CDH18: variants seen among roughly 807,000 people sequenced by gnomAD.
CDH18 encodes cadherin 18.
CDH18 carries 31 observed loss-of-function variants against 67.9 expected under a neutral mutation model. The observed-to-expected ratio is 0.46, with a 90% CI of 0.34 to 0.62. The LOEUF (loss-of-function observed/expected upper bound fraction) is 0.62, where lower values mean the gene tolerates loss of function less well. Among genes scored for constraint, CDH18 ranks in the 20% least tolerant of loss-of-function variants. The pLI, the probability that CDH18 is intolerant of heterozygous loss-of-function variation, is 0.01. For missense variants in CDH18, 890 were observed against 975.5 expected (o/e 0.91, Z 1.17); for synonymous variants, 362 against 347.2 (o/e 1.04, Z -0.48).
intron 5 of CDH18, among the ~76,000 whole-genome samples, chr5:19,624,591 C>A (rs148097382): frequency 6.6e-6 from 1 of 151,972 alleles, no homozygotes; most frequent in African/African-American, 2.4e-5. Flanking sequence ...CTTTATACAC[C>A]CTCCTTCATT....
intron 1 of CDH18, among the ~76,000 whole-genome samples, chr5:20,441,510 C>T (rs1749603880): frequency 6.6e-6 from 1 of 151,726 alleles, no homozygotes; most frequent in African/African-American, 2.4e-5. Flanking sequence ...AAAAACATTT[C>T]ATCCCATTTG....
chr5:19,678,365 T>G (rs566647102), intron 5 of CDH18, among the ~76,000 whole-genome samples: 1 of 151,644 alleles, frequency 6.6e-6, no homozygotes, highest in Non-Finnish European at 1.5e-5. Flanking sequence ...ATTAATCAAC[T>G]TACACCTACC....
rs375057498 is a variant in CDH18, at chr5:20,372,731, AAT to A, written c.-579-117228_-579-117227del. Among the ~76,000 whole-genome samples the A allele has an allele frequency of 1.4e-3, 214 of 152,312 alleles. 4 individuals carry two copies. The South Asian group carries it at 0.041, about 29-fold the overall frequency. ...ATTAGTTGATCTCCACCTATTTTAC[AAT>A]ATATGACTGAGAAATTGTACAGGTT... On this transcript the variant is annotated intron_variant, in intron 1 of 14. Transcript: ENST00000507958.
At chr5:19,722,270 T>A (rs1272947938) in intron 4 of CDH18, among the ~76,000 whole-genome samples, 1 of 151,890 alleles carries the variant, frequency 6.6e-6, no homozygotes, top group Non-Finnish European at 1.5e-5. Context: ...GCCAGGTTGG[T>A]CTTGAACTCC....
intron 12 of CDH18, 28 bp downstream of exon 12, chr5:19,483,273 T>G (rs554539742): frequency 8.8e-6 from 14 of 1,585,402 alleles, no homozygotes; most frequent in South Asian, 1.1e-5. Flanking sequence ...ATTGCCATCA[T>G]GCAAACTTAG....
chr5:19,642,029 G>C lies in CDH18; in HGVS notation c.644-29428C>G, dbSNP rs149163015. 7.3e-3 allele frequency among the ~76,000 whole-genome samples: 1,108 copies of C among 151,926 alleles called. 10 individuals carry two copies. Among genetic ancestry groups the C allele is most frequent in the Non-Finnish European group, 0.011 (724 of 67,830 alleles). ...CCAAATCAGTACATCAAAATAATTT[G>C]TGTTGCTATACAAAAACAATGAATT... On this transcript the variant is annotated intron_variant, in intron 5 of 12. Transcript: ENST00000382275.
In CDH18 at chr5:19,533,800, C is replaced by T. The variant is rs546974048; in HGVS notation, c.1390+10069G>A. 6.6e-5 allele frequency among the ~76,000 whole-genome samples: 10 copies of T among 151,804 alleles called. No individual in the cohort carries two copies. In the South Asian group the frequency reaches 8.3e-4, roughly 13 times the overall value. Reference sequence around the variant, plus strand: ...AGCTAGGTTGATATATAGGATGGCACGGGAATATGGAAACCCCTTTCTGAT... The same window carrying T: ...AGCTAGGTTGATATATAGGATGGCATGGGAATATGGAAACCCCTTTCTGAT... On this transcript the variant is annotated intron_variant, in intron 9 of 12. Coordinates refer to ENST00000382275, the MANE Select transcript of CDH18 (RefSeq NM_004934.5).
At chr5:19,878,557 A>T (rs1412691214) in intron 2 of CDH18, among the ~76,000 whole-genome samples, 1 of 152,052 alleles carries the variant, frequency 6.6e-6, no homozygotes, top group South Asian at 2.1e-4. Flanking sequence ...TAAAAGAAAC[A>T]AAGTTCCTAC....
Position 20,519,237 on chromosome 5 carries a change from T to C in CDH18, c.-580+56225A>G, listed in dbSNP as rs572481416. On this transcript the variant is annotated intron_variant, in intron 1 of 14. Transcript: ENST00000507958. ...GAAATAATTAAAAAGGAGTCAACAA[T>C]AGACTGGATTAAGAAAATGTGGCAC... Among the ~76,000 whole-genome samples, 21 of 152,212 alleles carry C rather than the reference T, an allele frequency of 1.4e-4. No homozygotes were observed. In the South Asian group the frequency reaches 4.4e-3, roughly 32 times the overall value.
intron 2 of CDH18, among the ~76,000 whole-genome samples, chr5:20,242,794 G>A (rs1442272570): frequency 6.6e-6 from 1 of 151,134 alleles, no homozygotes; most frequent in Non-Finnish European, 1.5e-5. Context: ...AGCAAAACAT[G>A]ATCCCATAAC....
At chr5:19,475,778 C>T (rs1738356535) in intron 12 of CDH18, among the ~76,000 whole-genome samples, 1 of 151,914 alleles carries the variant, frequency 6.6e-6, no homozygotes, top group African/African-American at 2.4e-5. Context: ...TGCATTGTGT[C>T]TGGCAACCTT....
At chr5:20,384,235 A>C (rs1580874178) in intron 1 of CDH18, among the ~76,000 whole-genome samples, 1 of 152,186 alleles carries the variant, frequency 6.6e-6, no homozygotes, top group Admixed American at 6.6e-5. Context: ...TTTCTACCCA[A>C]GGAACAACTC....
intron 1 of CDH18, among the ~76,000 whole-genome samples, chr5:20,424,684 T>C (rs2150164752): frequency 7.7e-6 from 1 of 130,010 alleles, no homozygotes; most frequent in Admixed American, 9.3e-5. Flanking sequence ...GAGATGGAGG[T>C]TGCAGTGAGC....
chr5:20,109,041 T>C (rs1747230951), intron 2 of CDH18, among the ~76,000 whole-genome samples: 1 of 152,228 alleles, frequency 6.6e-6, no homozygotes, highest in African/African-American at 2.4e-5. Flanking sequence ...CCTGCATAGA[T>C]TGTTACCTTT....
At chr5:20,136,520 G>A (rs746073318) in intron 2 of CDH18, among the ~76,000 whole-genome samples, 31 of 152,168 alleles carry the variant, frequency 2.0e-4, no homozygotes, top group Admixed American at 3.3e-4. Context: ...ACAACACACT[G>A]ATTGGACTTG....
intron 5 of CDH18, among the ~76,000 whole-genome samples, chr5:19,615,756 A>G (rs575634568): frequency 6.6e-6 from 1 of 152,250 alleles, no homozygotes; most frequent in South Asian, 2.1e-4. Flanking sequence ...AGTTTTGCCT[A>G]TTTCAAATGT....
At chr5:19,797,399 T>A (rs888168278) in intron 3 of CDH18, among the ~76,000 whole-genome samples, 8 of 151,976 alleles carry the variant, frequency 5.3e-5, no homozygotes, top group African/African-American at 1.9e-4. Flanking sequence ...TTATTCCTAT[T>A]TTTAGGTAAT....
At chr5:19,925,591 C>T (rs75392060) in intron 2 of CDH18, among the ~76,000 whole-genome samples, 4,600 of 151,946 alleles carry the variant, frequency 0.03, 238 homozygotes, top group East Asian at 0.22. Flanking sequence ...TGGGTTCAAG[C>T]GATTCTCTGC....
At chr5:19,597,151 A>T (rs1561434433) in intron 6 of CDH18, among the ~76,000 whole-genome samples, 1 of 152,134 alleles carries the variant, frequency 6.6e-6, no homozygotes, top group African/African-American at 2.4e-5. Flanking sequence ...CAGCCCATAG[A>T]GCAAGTGAGT....
Sources: allele counts gnomAD v4.1 joint callset (sites outside exome capture counted in the v4.1 genomes callset), GRCh38; gene constraint gnomAD v4.1.1; transcripts MANE v1.5; gene names NCBI Gene and HGNC (gene_info 2026-07-23, HGNC 2026-07-21).